Variants in SLC24A2 observed in about 807,000 individuals in gnomAD.
The protein encoded by SLC24A2 is sodium/potassium/calcium exchanger 2.
A neutral mutation model predicts 62.0 loss-of-function variants in SLC24A2; 36 were observed. That is an observed-to-expected ratio of 0.58 (90% CI 0.44 to 0.77). The LOEUF (loss-of-function observed/expected upper bound fraction) is 0.77. Among genes scored for constraint, SLC24A2 ranks in the 30% least tolerant of loss-of-function variants. SLC24A2 has a pLI of 0.00. For synonymous variants in SLC24A2, 358 were observed against 294.0 expected, an observed-to-expected ratio of 1.22 and a Z score of -2.23; for missense variants, 846 against 817.9, an observed-to-expected ratio of 1.03 and a Z score of -0.42.
At chr9:19,687,547 C>T (rs1819919551) in intron 2 of SLC24A2, among the ~76,000 whole-genome samples, 1 of 152,098 alleles carries the variant, frequency 6.6e-6, no homozygotes, top group Non-Finnish European at 1.5e-5. Context: ...ACACCGTTCA[C>T]ATTCCTCATT....
chr9:19,843,112 T>C, the SLC24A2 span, among the ~76,000 whole-genome samples: 1 of 152,088 alleles, frequency 6.6e-6, no homozygotes, highest in Non-Finnish European at 1.5e-5. Flanking sequence ...AGGGAAAAAA[T>C]AAAGATATGC....
At chr9:19,685,721 G>A (rs1819861579) in intron 2 of SLC24A2, among the ~76,000 whole-genome samples, 1 of 152,118 alleles carries the variant, frequency 6.6e-6, no homozygotes, top group Non-Finnish European at 1.5e-5. Context: ...TTAGCCATAT[G>A]CAGAAGACTG....
At chr9:19,590,773 C>T (rs1373256344) in intron 5 of SLC24A2, among the ~76,000 whole-genome samples, 1 of 152,174 alleles carries the variant, frequency 6.6e-6, no homozygotes, top group Non-Finnish European at 1.5e-5. Context: ...TCATCACTAG[C>T]AATAACTGCA....
chr9:19,540,467 C>G (rs921130921), intron 8 of SLC24A2, among the ~76,000 whole-genome samples: 1 of 151,258 alleles, frequency 6.6e-6, no homozygotes, highest in African/African-American at 2.5e-5. Flanking sequence ...ACTTATGAAG[C>G]TTAGTTTGCC....
chr9:19,848,403 CT>C, the SLC24A2 span, among the ~76,000 whole-genome samples: 1 of 152,234 alleles, frequency 6.6e-6, no homozygotes, highest in South Asian at 2.1e-4. Context: ...TTATTTTCCT[CT>C]TGGTTCTGTT....
chr9:19,595,542 C>T (rs551981396), intron 5 of SLC24A2, among the ~76,000 whole-genome samples: 3 of 152,294 alleles, frequency 2.0e-5, no homozygotes, highest in African/African-American at 7.2e-5. Context: ...TCATTTCATA[C>T]ATGATTTTGA....
intron 4 of SLC24A2, among the ~76,000 whole-genome samples, chr9:19,608,315 A>G (rs1310770549): frequency 6.6e-6 from 1 of 151,910 alleles, no homozygotes; most frequent in East Asian, 1.9e-4. Flanking sequence ...CTCATTTTGA[A>G]GCTTTTTTTT....
intron 5 of SLC24A2, 61 bp downstream of exon 5, chr9:19,597,168 C>G (rs1294114587): frequency 2.0e-5 from 22 of 1,076,014 alleles, no homozygotes; most frequent in African/African-American, 1.1e-4. Flanking sequence ...AAAAAATGGG[C>G]AAGCAACAGA....
intron 2 of SLC24A2, among the ~76,000 whole-genome samples, chr9:19,701,413 A>C (rs6475362): frequency 6.6e-6 from 1 of 151,704 alleles, no homozygotes; most frequent in South Asian, 2.1e-4. Flanking sequence ...CTTAGTCCAC[A>C]ACCGGTAGGA....
At chr9:20,029,223 C>G in the SLC24A2 span, among the ~76,000 whole-genome samples, 1 of 152,198 alleles carries the variant, frequency 6.6e-6, no homozygotes, top group South Asian at 2.1e-4. Flanking sequence ...TGATACAGCC[C>G]GTGAGTCCAT....
At chr9:19,711,644 C>T (rs1011603755) in intron 2 of SLC24A2, among the ~76,000 whole-genome samples, 35 of 152,352 alleles carry the variant, frequency 2.3e-4, no homozygotes, top group South Asian at 6.2e-4. Context: ...CTAACAAAAT[C>T]AAAGCACATA....
the SLC24A2 span, among the ~76,000 whole-genome samples, chr9:20,234,678 T>C: frequency 6.6e-6 from 1 of 152,182 alleles, no homozygotes; most frequent in African/African-American, 2.4e-5. Flanking sequence ...TTGAATTTCC[T>C]CCTGTAGCTC....
At chr9:20,117,247 G>A in the SLC24A2 span, among the ~76,000 whole-genome samples, 1 of 152,126 alleles carries the variant, frequency 6.6e-6, no homozygotes, top group Non-Finnish European at 1.5e-5. Flanking sequence ...TCAAAATAAA[G>A]AAGTATGTTC....
At chr9:20,211,934 T>C in the SLC24A2 span, among the ~76,000 whole-genome samples, 1 of 152,002 alleles carries the variant, frequency 6.6e-6, no homozygotes, top group African/African-American at 2.4e-5. Context: ...TAGAGCACTA[T>C]AGAAGATAAA....
At chr9:20,127,394 T>A in the SLC24A2 span, among the ~76,000 whole-genome samples, 5 of 152,176 alleles carry the variant, frequency 3.3e-5, no homozygotes, top group African/African-American at 1.2e-4. Context: ...CTTACATGTT[T>A]TAGTTATTTT....
chr9:19,874,575 T>C, the SLC24A2 span, among the ~76,000 whole-genome samples: 1 of 152,194 alleles, frequency 6.6e-6, no homozygotes, highest in East Asian at 1.9e-4. Flanking sequence ...TTGACCCAAA[T>C]ACTTTTCAAA....
At chr9:20,166,919 A>G in the SLC24A2 span, among the ~76,000 whole-genome samples, 1 of 151,992 alleles carries the variant, frequency 6.6e-6, no homozygotes, top group African/African-American at 2.4e-5. Context: ...ATAGCTCACC[A>G]CAGCCTAACT....
At chr9:20,066,134 T>C in the SLC24A2 span, among the ~76,000 whole-genome samples, 1 of 152,144 alleles carries the variant, frequency 6.6e-6, no homozygotes, top group Non-Finnish European at 1.5e-5. Flanking sequence ...GTATCAGAAA[T>C]ATAAAGGGAG....
chr9:20,152,084 T>C, the SLC24A2 span, among the ~76,000 whole-genome samples: 182 of 152,056 alleles, frequency 1.2e-3, no homozygotes, highest in African/African-American at 4.2e-3. Flanking sequence ...TCAGCAAATA[T>C]TAATTCCCTT....
Sources: gnomAD v4.1 joint callset for allele counts (sites outside exome capture counted in the v4.1 genomes callset) on GRCh38, gnomAD v4.1.1 for gene constraint, MANE v1.5 for transcripts, NCBI Gene and HGNC (gene_info 2026-07-23, HGNC 2026-07-21) for gene names.